The following SUCLG1 variants were observed in gnomAD, a reference collection of about 807,000 sequenced individuals.
The protein encoded by SUCLG1 is succinate--CoA ligase [ADP/GDP-forming] subunit alpha, mitochondrial.
In SUCLG1, 26 loss-of-function variants were observed where a neutral mutation model predicts 37.3. The observed-to-expected ratio is 0.70, with a 90% CI of 0.51 to 0.97. The LOEUF is 0.97. Among genes scored for constraint, SUCLG1 ranks in the 50% least tolerant of loss-of-function variants. The pLI is 0.00. For missense variants in SUCLG1, 433 were observed against 432.9 expected (o/e 1.00, Z 0.00); for synonymous variants, 163 against 155.6 (o/e 1.05, Z -0.36).
intron 5 of SUCLG1, among the ~76,000 whole-genome samples, chr2:84,437,697 G>A (rs1320580232): frequency 6.6e-6 from 1 of 152,186 alleles, no homozygotes; most frequent in African/African-American, 2.4e-5. Flanking sequence ...ATACAACCCA[G>A]CAACCATGCT....
chr2:84,442,054 C>T (rs538469653), intron 3 of SUCLG1, among the ~76,000 whole-genome samples: 5 of 151,528 alleles, frequency 3.3e-5, no homozygotes, highest in South Asian at 2.1e-4. Flanking sequence ...AAGAGCAGAA[C>T]GGGTGAAAAA....
intron 7 of SUCLG1, among the ~76,000 whole-genome samples, chr2:84,429,581 T>C (rs1672586527): frequency 6.6e-6 from 1 of 152,074 alleles, no homozygotes; most frequent in South Asian, 2.1e-4. Flanking sequence ...ATACTAAGCA[T>C]TCCTTGCAGA....
At position 84,443,355 on chromosome 2, in the gene SUCLG1, C is replaced by T. The variant is rs539350409; in HGVS notation, c.247G>A (p.Val83Ile). 1.4e-5 allele frequency: 23 copies of T among 1,614,158 alleles called. No homozygotes were observed. The highest frequency in any genetic ancestry group is 6.6e-5 in the South Asian group (6 of 91,086). ...QQALEYGTKL[V>I]GGTTPGKGGQ... Reference sequence around the variant, plus strand: ...CCTTTCCCTGGAGTGGTTCCTCCAACGAGTTTGGTGCCATATTCCAATGCC... The same window carrying T: ...CCTTTCCCTGGAGTGGTTCCTCCAATGAGTTTGGTGCCATATTCCAATGCC... Residue 83 changes from valine to isoleucine, a missense_variant, in exon 3 of 9, where the codon GTT (valine) becomes ATT (isoleucine). Coordinates refer to ENST00000393868, the MANE Select transcript of SUCLG1 (RefSeq NM_003849.4).
intron 5 of SUCLG1, among the ~76,000 whole-genome samples, chr2:84,437,949 T>C (rs1198157746): frequency 2.6e-5 from 4 of 152,184 alleles, no homozygotes; most frequent in African/African-American, 9.6e-5. Flanking sequence ...TGACTATAAA[T>C]AGGCAATCCC....
chr2:84,449,649 C>T lies in SUCLG1; in HGVS notation c.201G>A (p.Gln67=). 1 of 1,578,890 alleles carries T rather than the reference C, an allele frequency of 6.3e-7. No individual in the cohort carries two copies. Among genetic ancestry groups the T allele is most frequent in the African/African-American group, 1.4e-5 (1 of 73,408 alleles). Residue 67 remains glutamine (Q), a splice_region_variant and synonymous_variant, in exon 2 of 9, where the codon CAG becomes CAA. Coordinates refer to ENST00000393868, the MANE Select transcript of SUCLG1 (RefSeq NM_003849.4). ...KIICQGFTGK[Q]GTFHSQQALE... Reference sequence around the variant, plus strand: ...AAAATAAAAATCTAGATATACATACCTGTTTGCCAGTGAAACCCTGGCAAA... The same window carrying T: ...AAAATAAAAATCTAGATATACATACTTGTTTGCCAGTGAAACCCTGGCAAA...
intron 5 of SUCLG1, among the ~76,000 whole-genome samples, chr2:84,438,463 C>T (rs1672721363): frequency 6.6e-6 from 1 of 152,178 alleles, no homozygotes; most frequent in Admixed American, 6.5e-5. Flanking sequence ...CTGTTATTAA[C>T]AAAAACTGGA....
intron 5 of SUCLG1, among the ~76,000 whole-genome samples, chr2:84,433,999 A>G (rs559554471): frequency 6.6e-6 from 1 of 152,200 alleles, no homozygotes; most frequent in South Asian, 2.1e-4. Flanking sequence ...GGTTCTTGAA[A>G]AGATCCTGGC....
intron 7 of SUCLG1, chr2:84,426,013 A>G: frequency 3.7e-6 from 1 of 269,854 alleles, no homozygotes; most frequent in Non-Finnish European, 7.2e-6. Flanking sequence ...TAAATGTGCT[A>G]AAAGAAAAAG....
chr2:84,444,390 G>T (rs1672817002), intron 2 of SUCLG1, among the ~76,000 whole-genome samples: 1 of 152,136 alleles, frequency 6.6e-6, no homozygotes, highest in African/African-American at 2.4e-5. Context: ...TGCCCCCTAA[G>T]CCGTAAAACC....
At chr2:84,455,632 G>A (rs376676819) in intron 1 of SUCLG1, among the ~76,000 whole-genome samples, 1 of 151,862 alleles carries the variant, frequency 6.6e-6, no homozygotes, top group Non-Finnish European at 1.5e-5. Context: ...TCAGGAGATC[G>A]AGACCATCCT....
chr2:84,441,597 AAAT>A, intron 3 of SUCLG1, 138 bp from the exon 4 acceptor site: 1 of 1,014,018 alleles, frequency 9.9e-7, no homozygotes, highest in Non-Finnish European at 1.5e-6. Context: ...TCCCATTCTC[AAAT>A]TTGCTACACT....
At chr2:84,436,446 G>A (rs1279321721) in intron 5 of SUCLG1, among the ~76,000 whole-genome samples, 1 of 152,132 alleles carries the variant, frequency 6.6e-6, no homozygotes, top group Non-Finnish European at 1.5e-5. Flanking sequence ...TATTCAGAAG[G>A]CAAGACAGTG....
intron 1 of SUCLG1, among the ~76,000 whole-genome samples, chr2:84,453,035 A>G (rs1002187391): frequency 6.6e-6 from 1 of 152,212 alleles, no homozygotes; most frequent in African/African-American, 2.4e-5. Flanking sequence ...ACTGCATGGA[A>G]GTTCGGCCCT....
intron 2 of SUCLG1, 32 bp downstream of exon 2, chr2:84,449,617 A>G (rs1672905685): frequency 7.2e-7 from 1 of 1,379,324 alleles, no homozygotes; most frequent in Non-Finnish European, 1.0e-6. Context: ...TCTCTAGTCT[A>G]CATTTGAAAA....
intron 2 of SUCLG1, among the ~76,000 whole-genome samples, chr2:84,443,758 A>G (rs1459485448): frequency 6.6e-6 from 1 of 151,838 alleles, no homozygotes; most frequent in African/African-American, 2.4e-5. Flanking sequence ...ATCTGGCAAA[A>G]CCACAACCTG....
rs773104742 is a variant in SUCLG1, at chr2:84,449,633, A to G, written c.201+16T>C. On this transcript the variant is annotated intron_variant, in intron 2 of 8. Transcript: ENST00000393868. ...CTCTAGTCTACATTTGAAAATAAAA[A>G]TCTAGATATACATACCTGTTTGCCA... 5 of 1,505,120 alleles carry G rather than the reference A, an allele frequency of 3.3e-6. No individual in the cohort carries two copies. In the Admixed American group the frequency reaches 9.3e-5, roughly 28 times the overall value. The allele number at this position is 1,505,120 out of a possible 1,614,324, so 93.2% of individuals were successfully genotyped here. A position where few individuals can be genotyped will look rare whatever the true frequency, so the allele number is the denominator to read the frequency against.
intron 2 of SUCLG1, 119 bp from the exon 3 acceptor site, chr2:84,443,519 T>A: frequency 1.2e-6 from 1 of 853,992 alleles, no homozygotes; most frequent in Non-Finnish European, 1.9e-6. Flanking sequence ...TCCCAGACAA[T>A]AACATATATT....
chr2:84,443,842 C>T (rs867815413), intron 2 of SUCLG1, among the ~76,000 whole-genome samples: 1 of 151,804 alleles, frequency 6.6e-6, no homozygotes, highest in Non-Finnish European at 1.5e-5. Context: ...GAAAAAAAAA[C>T]AAAAAAACAT....
Position 84,449,762 on chromosome 2 carries a change from T to TAAAAAAA in SUCLG1, c.98-17_98-11dup. ...ATTCCATTCTGCGGCACTAAGAGGT[T>TAAAAAAA]AAAAAAAAAAAAAAAAAAAAAAAAA... On this transcript the variant is annotated splice_polypyrimidine_tract_variant and intron_variant, in intron 1 of 8. Coordinates refer to ENST00000393868, the MANE Select transcript of SUCLG1 (RefSeq NM_003849.4). 1.3e-6 allele frequency: 1 copy of TAAAAAAA among 791,234 alleles called. No individual in the cohort carries two copies. Among genetic ancestry groups the TAAAAAAA allele is most frequent in the African/African-American group, 2.5e-5 (1 of 40,198 alleles). The allele number at this position is 791,234 out of a possible 1,614,324, so 49.0% of individuals were successfully genotyped here. A position where few individuals can be genotyped will look rare whatever the true frequency, so the allele number is the denominator to read the frequency against.
Sources: allele counts gnomAD v4.1 joint callset (sites outside exome capture counted in the v4.1 genomes callset), GRCh38; gene constraint gnomAD v4.1.1; transcripts MANE v1.5; gene names NCBI Gene and HGNC (gene_info 2026-07-23, HGNC 2026-07-21).